Variants in CACNA2D1 observed in about 807,000 individuals in gnomAD.
The protein encoded by CACNA2D1 is calcium voltage-gated channel auxiliary subunit alpha2delta 1.
A neutral mutation model predicts 171.5 loss-of-function variants in CACNA2D1; 53 were observed. That is an observed-to-expected ratio of 0.31 (90% CI 0.25 to 0.39). CACNA2D1 has a LOEUF of 0.39. Among genes scored for constraint, CACNA2D1 ranks in the 10% least tolerant of loss-of-function variants. CACNA2D1 has a pLI of 1.00. For synonymous variants in CACNA2D1, 442 were observed against 443.1 expected (o/e 1.00, Z 0.03); for missense variants, 903 against 1,299.8 (o/e 0.69, Z 4.69).
At chr7:82,270,707 T>C (rs942905429) in intron 3 of CACNA2D1, among the ~76,000 whole-genome samples, 3 of 152,108 alleles carry the variant, frequency 2.0e-5, no homozygotes, top group Admixed American at 2.0e-4. Flanking sequence ...TGCTAGCTCC[T>C]CTCTTCTATC....
intron 10 of CACNA2D1, among the ~76,000 whole-genome samples, chr7:82,043,586 C>T (rs1002524360): frequency 1.3e-5 from 2 of 152,146 alleles, no homozygotes; most frequent in Admixed American, 6.6e-5. Flanking sequence ...CAGTCAGGTA[C>T]ACAAATTGAA....
At chr7:82,393,348 A>G (rs1825411556) in intron 1 of CACNA2D1, among the ~76,000 whole-genome samples, 1 of 152,218 alleles carries the variant, frequency 6.6e-6, no homozygotes, top group African/African-American at 2.4e-5. Context: ...AACGTAATGA[A>G]TATATGATCC....
intron 10 of CACNA2D1, among the ~76,000 whole-genome samples, chr7:82,043,060 C>T (rs771347997): frequency 6.6e-6 from 1 of 152,074 alleles, no homozygotes; most frequent in Non-Finnish European, 1.5e-5. Context: ...AATGTTTAAA[C>T]TCTTTGGATG....
At chr7:82,222,184 G>A (rs1801843323) in intron 3 of CACNA2D1, among the ~76,000 whole-genome samples, 1 of 152,196 alleles carries the variant, frequency 6.6e-6, no homozygotes, top group Non-Finnish European at 1.5e-5. Flanking sequence ...AGTGAAGACA[G>A]TAGAAAGTGG....
chr7:82,283,853 A>G (rs1810428394), intron 3 of CACNA2D1, among the ~76,000 whole-genome samples: 1 of 152,210 alleles, frequency 6.6e-6, no homozygotes, highest in South Asian at 2.1e-4. Flanking sequence ...TTCTAGAATG[A>G]TCACTTAACT....
At chr7:82,287,968 C>CT (rs1563313904) in intron 3 of CACNA2D1, among the ~76,000 whole-genome samples, 2 of 150,820 alleles carry the variant, frequency 1.3e-5, no homozygotes, top group Non-Finnish European at 1.5e-5. Context: ...GTAGCTGGCA[C>CT]TACAGGAGCC....
chr7:82,079,598 A>G (rs1288436085), intron 7 of CACNA2D1, among the ~76,000 whole-genome samples: 1 of 151,728 alleles, frequency 6.6e-6, no homozygotes, highest in African/African-American at 2.4e-5. Flanking sequence ...AGGCTGAGGC[A>G]GGAGAATCGC....
chr7:82,154,853 T>A (rs781250299), intron 4 of CACNA2D1, among the ~76,000 whole-genome samples: 10 of 152,176 alleles, frequency 6.6e-5, no homozygotes, highest in Non-Finnish European at 1.5e-4. Flanking sequence ...ATATGAAAAC[T>A]ATCTGATATG....
Position 82,097,105 on chromosome 7 carries a change from G to A in CACNA2D1, c.527-12205C>T, listed in dbSNP as rs866912609. 3.3e-5 allele frequency among the ~76,000 whole-genome samples: 5 copies of A among 152,210 alleles called. No homozygotes were observed. In the South Asian group the frequency reaches 1.0e-3, roughly 32 times the overall value. ...AGGGCAGAGAGGTAGTAGAAGGACC[G>A]CATGCCTGATCCAGTGAACTCGCTG... On this transcript the variant is annotated intron_variant, in intron 6 of 38. Transcript: ENST00000356860.
At chr7:82,344,368 A>G (rs1457078551) in intron 2 of CACNA2D1, among the ~76,000 whole-genome samples, 2 of 152,240 alleles carry the variant, frequency 1.3e-5, no homozygotes, top group African/African-American at 4.8e-5. Context: ...CCATTGCACT[A>G]AATATATGTT....
At chr7:82,292,915 T>C (rs1811828989) in intron 3 of CACNA2D1, among the ~76,000 whole-genome samples, 1 of 152,142 alleles carries the variant, frequency 6.6e-6, no homozygotes, top group African/African-American at 2.4e-5. Flanking sequence ...TATATGTATA[T>C]GTGAGTATAT....
At chr7:82,095,018 C>A (rs1282615399) in intron 6 of CACNA2D1, among the ~76,000 whole-genome samples, 1 of 152,150 alleles carries the variant, frequency 6.6e-6, no homozygotes, top group African/African-American at 2.4e-5. Flanking sequence ...AAAAGCTGGT[C>A]TTTTATGACT....
intron 3 of CACNA2D1, among the ~76,000 whole-genome samples, chr7:82,237,771 A>G (rs1236186735): frequency 1.3e-5 from 2 of 152,024 alleles, no homozygotes; most frequent in African/African-American, 4.8e-5. Flanking sequence ...GTTGGTCACT[A>G]TGTTAGTTGC....
chr7:82,429,185 T>C (rs1279720733), intron 1 of CACNA2D1, among the ~76,000 whole-genome samples: 2 of 152,236 alleles, frequency 1.3e-5, no homozygotes, highest in African/African-American at 2.4e-5. Context: ...ATATTCTATG[T>C]ACATGTAGCA....
At chr7:82,356,937 T>C (rs540879905) in intron 1 of CACNA2D1, among the ~76,000 whole-genome samples, 5 of 152,180 alleles carry the variant, frequency 3.3e-5, no homozygotes, top group African/African-American at 1.2e-4. Context: ...CATTACAGAG[T>C]TGACTGGCAG....
At chr7:82,030,281 G>T (rs994085477) in intron 12 of CACNA2D1, among the ~76,000 whole-genome samples, 1 of 151,380 alleles carries the variant, frequency 6.6e-6, no homozygotes, top group Admixed American at 6.6e-5. Flanking sequence ...AATAGTGGAT[G>T]GAATACATTT....
At chr7:82,222,224 C>G (rs1801848242) in intron 3 of CACNA2D1, among the ~76,000 whole-genome samples, 1 of 152,138 alleles carries the variant, frequency 6.6e-6, no homozygotes, top group African/African-American at 2.4e-5. Context: ...TACTGTATGG[C>G]AGGGATTTAG....
At chr7:82,101,317 CAGA>C (rs756983500) in intron 6 of CACNA2D1, among the ~76,000 whole-genome samples, 13 of 152,208 alleles carry the variant, frequency 8.5e-5, no homozygotes, top group Non-Finnish European at 1.3e-4. Context: ...TACAATATAG[CAGA>C]AGGTCTACAT....
intron 3 of CACNA2D1, among the ~76,000 whole-genome samples, chr7:82,285,401 G>C (rs1810632368): frequency 6.6e-6 from 1 of 152,090 alleles, no homozygotes; most frequent in Non-Finnish European, 1.5e-5. Flanking sequence ...AGACTGAAAA[G>C]TGTCATGATA....
Sources: allele counts gnomAD v4.1 joint callset (sites outside exome capture counted in the v4.1 genomes callset), GRCh38; gene constraint gnomAD v4.1.1; transcripts MANE v1.5; gene names NCBI Gene and HGNC (gene_info 2026-07-23, HGNC 2026-07-21).